DNAAF11: variants seen among roughly 807,000 people sequenced by gnomAD.
DNAAF11 encodes leucine rich repeat containing 6.
Under a neutral mutation model 60.8 loss-of-function variants are expected in DNAAF11, and 45 were observed. The ratio of observed to expected loss-of-function variants is 0.74; its 90% CI spans 0.58 to 0.95. The LOEUF (loss-of-function observed/expected upper bound fraction) is 0.95, where lower values mean the gene tolerates loss of function less well. Ranked by LOEUF, DNAAF11 falls within the 40% of genes least tolerant of loss-of-function variation. The pLI is 0.00. For synonymous variants in DNAAF11, 191 were observed against 183.5 expected (o/e 1.04, Z -0.33); for missense variants, 546 against 546.2 (o/e 1.00, Z 0.00).
At chr8:132,610,619 T>C (rs1226364603) in intron 9 of DNAAF11, among the ~76,000 whole-genome samples, 1 of 152,174 alleles carries the variant, frequency 6.6e-6, no homozygotes, top group Non-Finnish European at 1.5e-5. Flanking sequence ...TTAGAAATAA[T>C]AAAATTATAG....
At chr8:132,596,122 A>G (rs1322661343) in intron 10 of DNAAF11, among the ~76,000 whole-genome samples, 1 of 152,164 alleles carries the variant, frequency 6.6e-6, no homozygotes, top group East Asian at 1.9e-4. Flanking sequence ...TTGAGGCTGG[A>G]TATCAGCAAG....
chr8:132,663,841 C>G (rs2130832150), intron 1 of DNAAF11, among the ~76,000 whole-genome samples: 1 of 152,316 alleles, frequency 6.6e-6, no homozygotes, highest in Non-Finnish European at 1.5e-5. Context: ...GTACATATCC[C>G]AACGCCTAAG....
chr8:132,661,741 T>C, intron 1 of DNAAF11, 114 bp from the exon 2 acceptor site: 1 of 1,063,308 alleles, frequency 9.4e-7, no homozygotes, highest in Non-Finnish European at 1.4e-6. Flanking sequence ...GAATGTCAAT[T>C]TTCCAGGCCC....
chr8:132,641,645 A>AGTCTGTCT (rs1821867418), intron 3 of DNAAF11, among the ~76,000 whole-genome samples: 1 of 152,216 alleles, frequency 6.6e-6, no homozygotes, highest in Non-Finnish European at 1.5e-5. Context: ...GCTCAGGTGA[A>AGTCTGTCT]AACTAAAGGA....
At chr8:132,684,800 G>A in the DNAAF11 span, among the ~76,000 whole-genome samples, 1 of 152,176 alleles carries the variant, frequency 6.6e-6, no homozygotes, top group Non-Finnish European at 1.5e-5. Context: ...TCTGTTGCCA[G>A]GGTCATTTTC....
chr8:132,656,915 A>T lies in DNAAF11; in HGVS notation c.179-8T>A. The T allele has an allele frequency of 9.0e-7, 1 of 1,107,768 alleles. No homozygotes were observed. Among genetic ancestry groups the T allele is most frequent in the Non-Finnish European group, 1.3e-6 (1 of 743,198 alleles). The allele number at this position is 1,107,768 out of a possible 1,614,324, so 68.6% of individuals were successfully genotyped here. A position where few individuals can be genotyped will look rare whatever the true frequency, so the allele number is the denominator to read the frequency against. On this transcript the variant is annotated splice_polypyrimidine_tract_variant and splice_region_variant and intron_variant, in intron 2 of 11. Transcript: ENST00000620350. ...TGAGTTTGCTAACATTTTCTGAAAT[A>T]CAAGATAATGTAGTTAAGATAATTA... is the stretch of plus-strand genomic sequence containing the variant.
intron 10 of DNAAF11, among the ~76,000 whole-genome samples, chr8:132,609,539 T>TA (rs1373766799): frequency 6.6e-6 from 1 of 152,164 alleles, no homozygotes; most frequent in Non-Finnish European, 1.5e-5. Flanking sequence ...GCTCTTCAGC[T>TA]AAACTGACCT....
In DNAAF11 at chr8:132,639,480, T is replaced by C. The variant is rs140716104; in HGVS notation, c.257-1373A>G. On this transcript the variant is annotated intron_variant, in intron 3 of 11. Coordinates refer to ENST00000620350, the MANE Select transcript of DNAAF11 (RefSeq NM_012472.6). The stretch of plus-strand genomic sequence containing the variant: ...TTTCTGTGGCTATATAAATTTAGAG[T>C]GAATTTTGGTTCCTGATAGATTAAC... 4.5e-4 allele frequency among the ~76,000 whole-genome samples: 69 copies of C among 152,288 alleles called. 1 individual carries two copies. In the East Asian group the frequency reaches 0.011, roughly 24 times the overall value.
At chr8:132,669,227 C>G (rs1284725935) in intron 1 of DNAAF11, among the ~76,000 whole-genome samples, 1 of 152,174 alleles carries the variant, frequency 6.6e-6, no homozygotes, top group African/African-American at 2.4e-5. Flanking sequence ...CCTGAGGAGC[C>G]TAAACTGGAA....
At chr8:132,587,868 T>A (rs1260223749) in intron 10 of DNAAF11, among the ~76,000 whole-genome samples, 1 of 152,208 alleles carries the variant, frequency 6.6e-6, no homozygotes, top group East Asian at 1.9e-4. Flanking sequence ...AGTTCACTTT[T>A]CTACAGAATA....
At chr8:132,674,123 G>C (rs368282647) in intron 1 of DNAAF11, among the ~76,000 whole-genome samples, 1 of 125,094 alleles carries the variant, frequency 8.0e-6, no homozygotes. Flanking sequence ...AGGAGGAGGA[G>C]GAGGAGGAGG....
At chr8:132,655,027 G>GA (rs1484946472) in intron 3 of DNAAF11, among the ~76,000 whole-genome samples, 4 of 150,436 alleles carry the variant, frequency 2.7e-5, no homozygotes, top group East Asian at 3.9e-4. Context: ...ACATTAACCA[G>GA]AAAAAAAAGA....
At chr8:132,652,729 G>A (rs1386256348) in intron 3 of DNAAF11, among the ~76,000 whole-genome samples, 2 of 152,068 alleles carry the variant, frequency 1.3e-5, no homozygotes, top group Non-Finnish European at 2.9e-5. Context: ...CTCATAAGTG[G>A]GAATTGAACA....
chr8:132,621,570 T>G (rs760594360), intron 7 of DNAAF11, among the ~76,000 whole-genome samples: 9 of 152,110 alleles, frequency 5.9e-5, no homozygotes, highest in Non-Finnish European at 8.8e-5. Flanking sequence ...AGAGTCTCCC[T>G]TGAGTTCTGT....
intron 11 of DNAAF11, among the ~76,000 whole-genome samples, chr8:132,576,265 T>C (rs950883607): frequency 6.6e-6 from 1 of 152,206 alleles, no homozygotes; most frequent in East Asian, 1.9e-4. Flanking sequence ...TTCTCTTTCA[T>C]TGGCTGCTCA....
At chr8:132,587,194 C>A (rs1157323676) in intron 10 of DNAAF11, among the ~76,000 whole-genome samples, 2 of 152,074 alleles carry the variant, frequency 1.3e-5, no homozygotes, top group African/African-American at 4.8e-5. Context: ...AATAGAATCA[C>A]AAATTTGGAA....
At chr8:132,699,539 A>G in the DNAAF11 span, among the ~76,000 whole-genome samples, 3 of 152,296 alleles carry the variant, frequency 2.0e-5, no homozygotes, top group African/African-American at 7.2e-5. Flanking sequence ...AGGGAAGGCC[A>G]GGTAGAAAAC....
chr8:132,656,807 C>T, intron 3 of DNAAF11, 23 bp downstream of exon 3: 1 of 1,013,302 alleles, frequency 9.9e-7, no homozygotes, highest in Non-Finnish European at 1.5e-6. Context: ...TTCATAATAG[C>T]ATAATAGAAG....
At chr8:132,598,135 T>C (rs1817213364) in intron 10 of DNAAF11, among the ~76,000 whole-genome samples, 1 of 152,206 alleles carries the variant, frequency 6.6e-6, no homozygotes, top group African/African-American at 2.4e-5. Context: ...CTCCATAAGA[T>C]GTTCAAAGTA....
Sources: gnomAD v4.1 joint callset for allele counts (sites outside exome capture counted in the v4.1 genomes callset) on GRCh38, gnomAD v4.1.1 for gene constraint, MANE v1.5 for transcripts, NCBI Gene and HGNC (gene_info 2026-07-23, HGNC 2026-07-21) for gene names.